Variants in ASTN2 observed in about 807,000 individuals in gnomAD.
ASTN2 encodes the protein astrotactin-2.
ASTN2 carries 54 observed loss-of-function variants against 139.8 expected under a neutral mutation model. The observed-to-expected ratio is 0.39, with a 90% confidence interval of 0.31 to 0.48. The LOEUF (loss-of-function observed/expected upper bound fraction) is 0.48, where lower values mean the gene tolerates loss of function less well. Ranked by LOEUF, ASTN2 falls within the 20% of genes least tolerant of loss-of-function variation. The pLI, the probability that ASTN2 is intolerant of heterozygous loss-of-function variation, is 0.95. For synonymous variants in ASTN2, 756 were observed against 719.5 expected (o/e 1.05, Z -0.81); for missense variants, 1,565 against 1,725.1 (o/e 0.91, Z 1.64).
At chr9:116,484,506 A>C (rs965939279) in intron 20 of ASTN2, among the ~76,000 whole-genome samples, 1 of 152,182 alleles carries the variant, frequency 6.6e-6, no homozygotes, top group Non-Finnish European at 1.5e-5. Flanking sequence ...ATGAGCAAGC[A>C]AAAAATGAGA....
intron 1 of ASTN2, among the ~76,000 whole-genome samples, chr9:117,349,893 A>G (rs931409975): frequency 4.6e-5 from 7 of 152,192 alleles, no homozygotes; most frequent in Non-Finnish European, 7.4e-5. Context: ...AACCTGAGAG[A>G]CTGTCACATA....
chr9:116,944,294 A>T (rs146451754), intron 10 of ASTN2, among the ~76,000 whole-genome samples: 25 of 152,244 alleles, frequency 1.6e-4, no homozygotes, highest in African/African-American at 5.3e-4. Context: ...AGAGGTAGAA[A>T]TATTTCCCAA....
chr9:116,830,138 A>C (rs918953769), intron 11 of ASTN2, among the ~76,000 whole-genome samples: 5 of 152,226 alleles, frequency 3.3e-5, no homozygotes, highest in African/African-American at 1.2e-4. Context: ...TGCAACAAGC[A>C]AAAACAAATA....
chr9:116,632,813 A>G (rs539227288), intron 17 of ASTN2, among the ~76,000 whole-genome samples: 4 of 152,292 alleles, frequency 2.6e-5, no homozygotes, highest in East Asian at 1.9e-4. Context: ...CTTTGACAAC[A>G]TATCTGTTAG....
chr9:116,725,707 TC>T, intron 16 of ASTN2, 63 bp downstream of exon 16: 1 of 1,519,842 alleles, frequency 6.6e-7, no homozygotes, highest in Non-Finnish European at 8.9e-7. Flanking sequence ...CTCAGTTGTC[TC>T]CCCAGACCCC....
chr9:116,994,569 C>T (rs574862960), intron 7 of ASTN2, among the ~76,000 whole-genome samples: 2 of 152,286 alleles, frequency 1.3e-5, no homozygotes, highest in South Asian at 2.1e-4. Flanking sequence ...ATATGAAAGC[C>T]ACCAGCCAGA....
intron 3 of ASTN2, among the ~76,000 whole-genome samples, chr9:117,177,777 T>C (rs1379351778): frequency 6.6e-6 from 1 of 152,230 alleles, no homozygotes; most frequent in East Asian, 1.9e-4. Flanking sequence ...GTTATTGTTA[T>C]ATGCAGCAAC....
chr9:116,434,692 G>C (rs1197980095), intron 22 of ASTN2, among the ~76,000 whole-genome samples: 12 of 152,144 alleles, frequency 7.9e-5, no homozygotes, highest in Non-Finnish European at 4.4e-5. Flanking sequence ...AGGATGTTCT[G>C]ACCCGAGAAA....
intron 1 of ASTN2, among the ~76,000 whole-genome samples, chr9:117,361,358 G>C (rs1287858898): frequency 6.6e-6 from 1 of 152,050 alleles, no homozygotes; most frequent in East Asian, 1.9e-4. Flanking sequence ...GGTCGTGTAG[G>C]GCCGACTTGG....
At chr9:116,676,929 A>G (rs1342768135) in intron 16 of ASTN2, among the ~76,000 whole-genome samples, 1 of 152,240 alleles carries the variant, frequency 6.6e-6, no homozygotes, top group African/African-American at 2.4e-5. Flanking sequence ...TGTAAAAAAG[A>G]AACTACTTAC....
At chr9:116,843,218 A>G (rs138099939) in intron 11 of ASTN2, among the ~76,000 whole-genome samples, 1 of 152,352 alleles carries the variant, frequency 6.6e-6, no homozygotes, top group African/African-American at 2.4e-5. Flanking sequence ...ATTGGATTTA[A>G]AAAAATGTGG....
At chr9:116,954,655 T>C (rs1346082827) in intron 10 of ASTN2, among the ~76,000 whole-genome samples, 1 of 124,398 alleles carries the variant, frequency 8.0e-6, no homozygotes, top group Non-Finnish European at 2.0e-5. Flanking sequence ...CCAATAAAAC[T>C]TTATTTATTA....
chr9:116,600,323 CAAAAA>C (rs35224783), intron 19 of ASTN2, among the ~76,000 whole-genome samples: 9 of 118,996 alleles, frequency 7.6e-5, no homozygotes, highest in African/African-American at 2.7e-4. Flanking sequence ...GACCCTGTCT[CAAAAA>C]AAAAAAAAAA....
chr9:116,993,526 AATTTT>A (rs1398577697), intron 7 of ASTN2, among the ~76,000 whole-genome samples: 1 of 151,456 alleles, frequency 6.6e-6, no homozygotes, highest in Non-Finnish European at 1.5e-5. Context: ...TATTCACTAT[AATTTT>A]ATTACTATAT....
At chr9:117,170,140 C>A (rs1830757377) in intron 3 of ASTN2, among the ~76,000 whole-genome samples, 1 of 152,056 alleles carries the variant, frequency 6.6e-6, no homozygotes. Context: ...CATTAAATAG[C>A]AAGTATTTAA....
At chr9:116,488,810 C>T (rs1445252782) in intron 19 of ASTN2, among the ~76,000 whole-genome samples, 2 of 152,068 alleles carry the variant, frequency 1.3e-5, no homozygotes, top group Admixed American at 1.3e-4. Flanking sequence ...TTTTGCTTAT[C>T]TCTATTTTAA....
At chr9:116,885,933 A>G (rs1463152724) in intron 10 of ASTN2, among the ~76,000 whole-genome samples, 2 of 152,190 alleles carry the variant, frequency 1.3e-5, no homozygotes, top group African/African-American at 4.8e-5. Flanking sequence ...AGGTGTTATC[A>G]CCAGGTTTAG....
At chr9:116,848,613 G>A (rs776640255) in intron 11 of ASTN2, among the ~76,000 whole-genome samples, 5 of 152,124 alleles carry the variant, frequency 3.3e-5, no homozygotes, top group Non-Finnish European at 5.9e-5. Context: ...TAGCCCTTCC[G>A]CAATACTTCC....
chr9:117,166,026 G>T (rs1263758975), intron 3 of ASTN2, among the ~76,000 whole-genome samples: 2 of 151,950 alleles, frequency 1.3e-5, no homozygotes, highest in Non-Finnish European at 2.9e-5. Context: ...TCTCTGGAAA[G>T]AAATAGAAAA....
Sources: gnomAD v4.1 joint callset for allele counts (sites outside exome capture counted in the v4.1 genomes callset) on GRCh38, gnomAD v4.1.1 for gene constraint, MANE v1.5 for transcripts, NCBI Gene and HGNC (gene_info 2026-07-23, HGNC 2026-07-21) for gene names.